Variants in CNTLN observed in about 807,000 individuals in gnomAD.
CNTLN encodes the protein centlein, centrosomal protein.
CNTLN carries 212 observed loss-of-function variants against 180.0 expected under a neutral mutation model. That is an observed-to-expected ratio of 1.18 (90% CI 1.05 to 1.32). The LOEUF (loss-of-function observed/expected upper bound fraction) is 1.32, where lower values mean the gene tolerates loss of function less well. Ranked by LOEUF, CNTLN falls within the 40% of genes most tolerant of loss-of-function variation. The probability of loss-of-function intolerance (pLI) is 0.00; values close to 1 mark genes in which losing one functional copy is unlikely to be tolerated. For missense variants in CNTLN, 2,095 were observed against 1,610.9 expected, an observed-to-expected ratio of 1.30 and a Z score of -5.14; for synonymous variants, 722 against 563.1, an observed-to-expected ratio of 1.28 and a Z score of -3.99.
chr9:17,472,205 A>G (rs1399604788), intron 23 of CNTLN, among the ~76,000 whole-genome samples: 1 of 152,118 alleles, frequency 6.6e-6, no homozygotes. Context: ...TACCTCTTTA[A>G]TGATACTTAC....
intron 12 of CNTLN, among the ~76,000 whole-genome samples, chr9:17,354,660 A>C (rs1822673640): frequency 6.6e-6 from 1 of 152,018 alleles, no homozygotes; most frequent in African/African-American, 2.4e-5. Context: ...AGGGATTGTA[A>C]ATGCACCAAT....
chr9:17,224,442 A>T (rs1394415137), intron 2 of CNTLN, among the ~76,000 whole-genome samples: 3 of 152,034 alleles, frequency 2.0e-5, no homozygotes, highest in Non-Finnish European at 4.4e-5. Flanking sequence ...ACCTCCTGAA[A>T]TATTGCTTTA....
intron 2 of CNTLN, among the ~76,000 whole-genome samples, chr9:17,225,311 G>C (rs1319527868): frequency 2.0e-5 from 3 of 152,044 alleles, no homozygotes; most frequent in Non-Finnish European, 4.4e-5. Context: ...AACCCCAGAA[G>C]TCAAGCTCCT....
At chr9:17,273,061 G>A (rs1828059279) in intron 5 of CNTLN, among the ~76,000 whole-genome samples, 2 of 152,138 alleles carry the variant, frequency 1.3e-5, no homozygotes, top group East Asian at 1.9e-4. Context: ...AATAATGAAT[G>A]TATGGTGTTT....
intron 18 of CNTLN, among the ~76,000 whole-genome samples, chr9:17,454,810 G>A (rs1831015279): frequency 6.6e-6 from 1 of 152,230 alleles, no homozygotes; most frequent in South Asian, 2.1e-4. Flanking sequence ...TAGACCCAGA[G>A]AATTCGAATC....
chr9:17,466,941 G>C, intron 23 of CNTLN, 50 bp downstream of exon 23: 1 of 1,320,306 alleles, frequency 7.6e-7, no homozygotes, highest in Non-Finnish European at 1.1e-6. Flanking sequence ...TAGGCAGATA[G>C]GCAGTAGCCT....
intron 13 of CNTLN, among the ~76,000 whole-genome samples, chr9:17,385,109 A>G (rs527394309): frequency 1.3e-5 from 2 of 152,330 alleles, no homozygotes; most frequent in South Asian, 4.1e-4. Context: ...TGTTTATTAT[A>G]AAGGATACAA....
intron 13 of CNTLN, among the ~76,000 whole-genome samples, 196 bp from the exon 14 acceptor site, chr9:17,387,966 G>A (rs1825813994): frequency 6.8e-6 from 1 of 146,938 alleles, no homozygotes; most frequent in African/African-American, 2.5e-5. Flanking sequence ...AAAAAAAGGT[G>A]GCACTACAAA....
At chr9:17,411,247 A>G (rs1214174473) in intron 16 of CNTLN, among the ~76,000 whole-genome samples, 3 of 152,070 alleles carry the variant, frequency 2.0e-5, no homozygotes, top group Admixed American at 6.5e-5. Context: ...CAGACAATAC[A>G]TGCCCTGGAT....
chr9:17,499,102 G>T (rs1234368939), intron 25 of CNTLN, among the ~76,000 whole-genome samples: 3 of 152,052 alleles, frequency 2.0e-5, no homozygotes, highest in African/African-American at 7.2e-5. Flanking sequence ...AAAAAATATG[G>T]CAAACAAATA....
intron 2 of CNTLN, among the ~76,000 whole-genome samples, chr9:17,213,741 T>G (rs960455712): frequency 2.0e-5 from 3 of 152,214 alleles, no homozygotes; most frequent in African/African-American, 7.2e-5. Context: ...TGGGTGCTCC[T>G]GTATTGGGTG....
At chr9:17,471,252 T>C (rs1238630114) in intron 23 of CNTLN, among the ~76,000 whole-genome samples, 1 of 151,962 alleles carries the variant, frequency 6.6e-6, no homozygotes, top group African/African-American at 2.4e-5. Context: ...AATGTAATCT[T>C]ACTGAAAAAA....
intron 8 of CNTLN, among the ~76,000 whole-genome samples, chr9:17,318,290 A>C (rs1440686152): frequency 6.6e-6 from 1 of 151,994 alleles, no homozygotes; most frequent in Non-Finnish European, 1.5e-5. Context: ...CGGCCTCCCA[A>C]AGTGCTGGGA....
At chr9:17,360,910 G>C (rs1032674288) in intron 12 of CNTLN, among the ~76,000 whole-genome samples, 1 of 151,898 alleles carries the variant, frequency 6.6e-6, no homozygotes, top group African/African-American at 2.4e-5. Context: ...TGGGTATGGA[G>C]TGTTTTATAA....
chr9:17,487,022 G>A lies in CNTLN; in HGVS notation c.4075G>A (p.Asp1359Asn). The A allele has an allele frequency of 6.3e-7, 1 of 1,583,070 alleles. No homozygotes were observed. The highest frequency in any genetic ancestry group is 8.5e-7 in the Non-Finnish European group (1 of 1,171,046). Reference sequence around the variant, plus strand: ...AAAAACAAAAATTGATGCTGAAAATGACAAGGAATGGATGTTGTACATTCA... The same window carrying A: ...AAAAACAAAAATTGATGCTGAAAATAACAAGGAATGGATGTTGTACATTCA... ...IEKTKIDAEN[D>N]KEWMLYIQKL... The change falls in exon 25 of 26, where the codon GAC becomes AAC. Residue 1359 changes from aspartate (D) to asparagine (N), a missense_variant. Asp to Asn is a conservative substitution (Grantham distance 23). Transcript: ENST00000380647.
At chr9:17,354,013 C>T (rs959169838) in intron 12 of CNTLN, among the ~76,000 whole-genome samples, 15 of 152,176 alleles carry the variant, frequency 9.9e-5, no homozygotes, top group African/African-American at 3.4e-4. Flanking sequence ...GTGGGCTTGG[C>T]GGCCCCGCAC....
chr9:17,426,053 A>AC (rs2133952237), intron 18 of CNTLN, among the ~76,000 whole-genome samples: 1 of 152,320 alleles, frequency 6.6e-6, no homozygotes, highest in African/African-American at 2.4e-5. Flanking sequence ...TGTGAATGTG[A>AC]ACCAGGGACC....
At position 17,176,968 on chromosome 9, in the gene CNTLN, C is replaced by G. The variant is rs112620548; in HGVS notation, c.449+33592C>G. Among the ~76,000 whole-genome samples the G allele has an allele frequency of 2.3e-3, 355 of 151,828 alleles. 6 individuals carry two copies. The highest frequency in any genetic ancestry group is 8.3e-3 in the African/African-American group (342 of 41,382). ...GATGTGTCTTTTCCCTATTTTTTTC[C>G]CTTGTCAGTCTGCTAGAAGTTTTTG... On this transcript the variant is annotated intron_variant, in intron 2 of 25. Coordinates refer to ENST00000380647, the MANE Select transcript of CNTLN (RefSeq NM_017738.4).
At chr9:17,519,085 G>GTTATTTATTTATTTATTTATTATTTAT in the CNTLN span, among the ~76,000 whole-genome samples, 3 of 151,234 alleles carry the variant, frequency 2.0e-5, no homozygotes, top group Admixed American at 6.6e-5. Context: ...ACCAGGCCTA[G>GTTATTTATTTATTTATTTATTATTTAT]TTATTTATTT....
Sources: gnomAD v4.1 joint callset for allele counts (sites outside exome capture counted in the v4.1 genomes callset) on GRCh38, gnomAD v4.1.1 for gene constraint, MANE v1.5 for transcripts, NCBI Gene and HGNC (gene_info 2026-07-23, HGNC 2026-07-21) for gene names.